The following ZDHHC15 variants were observed in gnomAD, a reference collection of about 807,000 sequenced individuals.
ZDHHC15 encodes palmitoyltransferase ZDHHC15.
ZDHHC15 carries 19 observed loss-of-function variants against 31.7 expected under a neutral mutation model. The ratio of observed to expected loss-of-function variants is 0.60; its 90% CI spans 0.42 to 0.88. ZDHHC15 has a LOEUF of 0.88. Among genes scored for constraint, ZDHHC15 ranks in the 40% least tolerant of loss-of-function variants. ZDHHC15 has a pLI of 0.00. For synonymous variants in ZDHHC15, 103 were observed against 90.0 expected (o/e 1.14, Z -0.82); for missense variants, 209 against 251.2 (o/e 0.83, Z 1.14).
intron 5 of ZDHHC15, among the ~76,000 whole-genome samples, chrX:75,430,758 T>A (rs1418053504): frequency 9.0e-6 from 1 of 111,524 alleles, no homozygotes; most frequent in Non-Finnish European, 1.9e-5. Flanking sequence ...CTTTCAGTGA[T>A]AAGTCATGTT....
chrX:75,460,179 T>A (rs2084289742), intron 3 of ZDHHC15, among the ~76,000 whole-genome samples: 2 of 112,354 alleles, frequency 1.8e-5, no homozygotes, highest in Admixed American at 1.9e-4. Context: ...CTGGCCAGAC[T>A]GCTTCTTTAA....
chrX:75,444,687 T>TATACAC (rs2084007375), intron 4 of ZDHHC15, among the ~76,000 whole-genome samples: 10 of 29,483 alleles, frequency 3.4e-4, no homozygotes, highest in African/African-American at 1.6e-3. Flanking sequence ...TATATATATA[T>TATACAC]ACACACACAC....
intron 9 of ZDHHC15, among the ~76,000 whole-genome samples, chrX:75,420,390 T>C (rs1335490491): frequency 9.0e-6 from 1 of 111,401 alleles, no homozygotes; most frequent in Non-Finnish European, 1.9e-5. Flanking sequence ...TGTGGAAGAC[T>C]GTGTGGCAAT....
intron 2 of ZDHHC15, 84 bp from the exon 3 acceptor site, chrX:75,479,069 T>C (rs1207708305): frequency 1.3e-5 from 8 of 631,499 alleles, no homozygotes; most frequent in South Asian, 3.8e-5. Flanking sequence ...ATGACGAATT[T>C]TTATTGTTTT....
rs541238663 is a variant in ZDHHC15 at position 75,383,734 on chromosome X, G to GTTTTT, written c.968-4537_968-4536insAAAAA. On this transcript the variant is annotated intron_variant, in intron 10 of 11. Coordinates refer to ENST00000373367, the MANE Select transcript of ZDHHC15 (RefSeq NM_144969.3). ...ACTACCCCAAATTTAAGAAATGTTA[G>GTTTTT]GTTTTTTTTTTTTTTTTTTTTTGAG... Among the ~76,000 whole-genome samples, 193 of 77,768 alleles carry GTTTTT rather than the reference G, an allele frequency of 2.5e-3. 19 individuals carry two copies. Among genetic ancestry groups the GTTTTT allele is most frequent in the Non-Finnish European group, 3.0e-3 (126 of 41,847 alleles). 67.5% of individuals were successfully genotyped at this position (77,768 alleles called of 115,157 possible). A position where few individuals can be genotyped will look rare whatever the true frequency, so the allele number is the denominator to read the frequency against.
chrX:75,464,495 G>A (rs2084371468), intron 3 of ZDHHC15, among the ~76,000 whole-genome samples: 1 of 110,814 alleles, frequency 9.0e-6, no homozygotes, highest in Admixed American at 9.6e-5. Flanking sequence ...GCTACCTCCT[G>A]CTTGTTAAAA....
chrX:75,386,570 C>A (rs1270462183), intron 10 of ZDHHC15, among the ~76,000 whole-genome samples: 1 of 110,837 alleles, frequency 9.0e-6, no homozygotes, highest in Non-Finnish European at 1.9e-5. Context: ...ACCTCCTGGG[C>A]TCAAGCGATC....
intron 4 of ZDHHC15, among the ~76,000 whole-genome samples, chrX:75,437,057 G>A (rs755599779): frequency 2.7e-4 from 30 of 109,446 alleles, no homozygotes; most frequent in Non-Finnish European, 5.5e-4. Flanking sequence ...AATTTTTTGT[G>A]TTTTTAGTAG....
chrX:75,520,702 C>T (rs949220997), intron 1 of ZDHHC15, among the ~76,000 whole-genome samples: 2 of 110,790 alleles, frequency 1.8e-5, no homozygotes, highest in African/African-American at 6.6e-5. Context: ...AAAAGCTTCC[C>T]AGTCATTGCA....
In ZDHHC15 at chrX:75,421,018, A is replaced by G. The variant is rs764310587; in HGVS notation, c.863+846T>C. 5.4e-5 allele frequency among the ~76,000 whole-genome samples: 6 copies of G among 110,285 alleles called. No homozygotes were observed. In the South Asian group the frequency reaches 2.3e-3, roughly 43 times the overall value. On this transcript the variant is annotated intron_variant, in intron 9 of 11. Coordinates refer to ENST00000373367, the MANE Select transcript of ZDHHC15 (RefSeq NM_144969.3). ...TGCTTTTCATATTTTTATTCATAAA[A>G]TAATATTAGTATTAACCACAAAATA...
At chrX:75,456,332 A>G (rs1472674594) in intron 3 of ZDHHC15, among the ~76,000 whole-genome samples, 1 of 103,012 alleles carries the variant, frequency 9.7e-6, no homozygotes, top group African/African-American at 3.6e-5. Flanking sequence ...GGCGGGGTAC[A>G]TCATATACCA....
chrX:75,496,317 A>G (rs754661563), intron 2 of ZDHHC15, among the ~76,000 whole-genome samples: 4 of 111,725 alleles, frequency 3.6e-5, no homozygotes, highest in Non-Finnish European at 5.6e-5. Flanking sequence ...AATCCTAAAT[A>G]TATATGCACC....
chrX:75,450,631 C>T, intron 4 of ZDHHC15, 171 bp downstream of exon 4: 1 of 1,011,441 alleles, frequency 9.9e-7, no homozygotes, highest in Non-Finnish European at 1.3e-6. Flanking sequence ...ACAATTCTTC[C>T]AGCTTTGATA....
chrX:75,455,546 C>T (rs1367874313), intron 3 of ZDHHC15, among the ~76,000 whole-genome samples: 1 of 111,849 alleles, frequency 8.9e-6, no homozygotes, highest in African/African-American at 3.2e-5. Context: ...AGAGCTTCTG[C>T]AGACAAAAGA....
intron 4 of ZDHHC15, among the ~76,000 whole-genome samples, chrX:75,448,696 C>A (rs965130981): frequency 9.0e-6 from 1 of 111,051 alleles, no homozygotes; most frequent in Non-Finnish European, 1.9e-5. Flanking sequence ...AAATTGTAAC[C>A]TTGTTATTGT....
At chrX:75,442,712 C>A (rs150984372) in intron 4 of ZDHHC15, among the ~76,000 whole-genome samples, 1 of 111,106 alleles carries the variant, frequency 9.0e-6, no homozygotes, top group Non-Finnish European at 1.9e-5. Flanking sequence ...TTGGGCCGGG[C>A]GCGGTGGCTC....
intron 10 of ZDHHC15, among the ~76,000 whole-genome samples, chrX:75,381,328 T>A (rs967408587): frequency 2.7e-5 from 3 of 111,617 alleles, no homozygotes; most frequent in African/African-American, 6.5e-5. Context: ...CCTTATTGAT[T>A]CTTCTTTACC....
intron 2 of ZDHHC15, among the ~76,000 whole-genome samples, chrX:75,491,419 T>A (rs2084889041): frequency 1.1e-5 from 1 of 92,841 alleles, no homozygotes; most frequent in Non-Finnish European, 2.0e-5. Flanking sequence ...AGGTGGGTAT[T>A]GAACAATGAG....
At chrX:75,428,698 T>C (rs1569324001) in intron 7 of ZDHHC15, among the ~76,000 whole-genome samples, 4 of 112,150 alleles carry the variant, frequency 3.6e-5, no homozygotes. Context: ...AGTGATTTGT[T>C]AGCCTTTTTC....
Sources: allele counts gnomAD v4.1 joint callset (sites outside exome capture counted in the v4.1 genomes callset), GRCh38; gene constraint gnomAD v4.1.1; transcripts MANE v1.5; gene names NCBI Gene and HGNC (gene_info 2026-07-23, HGNC 2026-07-21).